The following NLGN1 variants were observed in gnomAD, a reference collection of about 807,000 sequenced individuals.
The protein encoded by NLGN1 is neuroligin-1.
NLGN1 carries 12 observed loss-of-function variants against 65.5 expected under a neutral mutation model. That is an observed-to-expected ratio of 0.18 (90% CI 0.12 to 0.30). NLGN1 has a LOEUF of 0.30. NLGN1 is among the 10% of genes least tolerant of loss of function. The pLI, the probability that NLGN1 is intolerant of heterozygous loss-of-function variation, is 1.00. For synonymous variants in NLGN1, 350 were observed against 359.5 expected (o/e 0.97, Z 0.30); for missense variants, 750 against 1,007.1 (o/e 0.74, Z 3.46).
At chr3:173,615,367 G>A (rs1269649929) in intron 3 of NLGN1, among the ~76,000 whole-genome samples, 1 of 152,100 alleles carries the variant, frequency 6.6e-6, no homozygotes, top group Non-Finnish European at 1.5e-5. Flanking sequence ...GGAAAGAGAT[G>A]TTCTTTGCCC....
At chr3:174,058,242 T>C (rs1049794864) in intron 4 of NLGN1, among the ~76,000 whole-genome samples, 1 of 152,146 alleles carries the variant, frequency 6.6e-6, no homozygotes. Context: ...ACAGTTGACT[T>C]TCAGAATTAT....
chr3:174,030,370 C>T (rs559838170), intron 4 of NLGN1, among the ~76,000 whole-genome samples: 117 of 152,184 alleles, frequency 7.7e-4, no homozygotes, highest in African/African-American at 2.2e-3. Flanking sequence ...GTGATCCTCC[C>T]GCCTCGGCCT....
chr3:174,205,110 TA>T (rs1015879132), intron 4 of NLGN1, among the ~76,000 whole-genome samples: 1 of 152,082 alleles, frequency 6.6e-6, no homozygotes. Flanking sequence ...TTCAAAATTT[TA>T]AAAAAAATTT....
At chr3:173,990,946 CA>C (rs1720971921) in intron 4 of NLGN1, among the ~76,000 whole-genome samples, 1 of 152,068 alleles carries the variant, frequency 6.6e-6, no homozygotes, top group Admixed American at 6.6e-5. Flanking sequence ...CAAAATTTAG[CA>C]GAAGGAACAG....
At chr3:173,703,887 A>C (rs1367241533) in intron 3 of NLGN1, among the ~76,000 whole-genome samples, 1 of 152,156 alleles carries the variant, frequency 6.6e-6, no homozygotes, top group Non-Finnish European at 1.5e-5. Context: ...TATTGCTCAT[A>C]GCTTTCTTTT....
intron 4 of NLGN1, chr3:173,910,898 A>T (rs1428343742): frequency 6.6e-6 from 1 of 152,232 alleles, no homozygotes; most frequent in Admixed American, 6.5e-5. Context: ...GAAAGTAAAA[A>T]GGAAAACAAA....
intron 3 of NLGN1, among the ~76,000 whole-genome samples, chr3:173,627,540 C>T (rs1215863833): frequency 6.6e-6 from 1 of 151,938 alleles, no homozygotes; most frequent in Non-Finnish European, 1.5e-5. Context: ...ATTTTATTTC[C>T]CATGGATATA....
At chr3:173,565,585 C>T (rs1414344216) in intron 2 of NLGN1, among the ~76,000 whole-genome samples, 1 of 151,964 alleles carries the variant, frequency 6.6e-6, no homozygotes, top group African/African-American at 2.4e-5. Flanking sequence ...CTGGCACTTC[C>T]CCAGAGATGT....
intron 4 of NLGN1, among the ~76,000 whole-genome samples, chr3:174,106,232 C>A (rs920907077): frequency 1.3e-5 from 2 of 152,024 alleles, no homozygotes; most frequent in Non-Finnish European, 2.9e-5. Context: ...AGGTGAGAGG[C>A]CTCTTTAATA....
intron 4 of NLGN1, among the ~76,000 whole-genome samples, chr3:173,888,032 A>G (rs1734677723): frequency 6.6e-6 from 1 of 152,050 alleles, no homozygotes; most frequent in African/African-American, 2.4e-5. Context: ...CCAATAGGAA[A>G]TGCCTGTAGT....
At chr3:173,703,947 C>T (rs1159326108) in intron 3 of NLGN1, among the ~76,000 whole-genome samples, 1 of 152,148 alleles carries the variant, frequency 6.6e-6, no homozygotes, top group Non-Finnish European at 1.5e-5. Context: ...GTTTTATAGG[C>T]CTACCTGCAT....
chr3:173,587,319 T>G (rs1273324330), intron 2 of NLGN1, among the ~76,000 whole-genome samples: 3 of 143,860 alleles, frequency 2.1e-5, no homozygotes, highest in African/African-American at 7.8e-5. Context: ...GCTGTATCCT[T>G]TGTTTCTACA....
intron 3 of NLGN1, among the ~76,000 whole-genome samples, chr3:173,737,077 A>G (rs1197644500): frequency 6.6e-6 from 1 of 152,060 alleles, no homozygotes; most frequent in Non-Finnish European, 1.5e-5. Flanking sequence ...AGTAGATCAC[A>G]TGATAAATGC....
chr3:174,190,197 G>A lies in NLGN1; in HGVS notation c.647-85118G>A, dbSNP rs190315623. ...GTGAATAAGAGTTTTAGACTGTTTTGTTTGTGTTTTCAAATGTAGTATTTG... is the reference window on the plus strand; with the variant it reads ...GTGAATAAGAGTTTTAGACTGTTTTATTTGTGTTTTCAAATGTAGTATTTG... On this transcript the variant is annotated intron_variant, in intron 4 of 6. Transcript: ENST00000457714. 7.9e-5 allele frequency among the ~76,000 whole-genome samples: 12 copies of A among 152,116 alleles called. No individual in the cohort carries two copies. The East Asian group carries it at 2.3e-3, about 29-fold the overall frequency.
At chr3:174,042,056 A>G (rs1732441377) in intron 4 of NLGN1, among the ~76,000 whole-genome samples, 1 of 150,052 alleles carries the variant, frequency 6.7e-6, no homozygotes, top group South Asian at 2.1e-4. Context: ...TCTGCCTCCA[A>G]AAAAAAAACA....
At chr3:173,968,596 C>A (rs901800351) in intron 4 of NLGN1, among the ~76,000 whole-genome samples, 1 of 150,652 alleles carries the variant, frequency 6.6e-6, no homozygotes, top group Non-Finnish European at 1.5e-5. Flanking sequence ...TAATGAATGC[C>A]TTATTGAGTC....
intron 1 of NLGN1, among the ~76,000 whole-genome samples, chr3:173,421,163 T>G (rs1714965388): frequency 1.3e-5 from 2 of 152,090 alleles, no homozygotes. Flanking sequence ...TCTAGTCTAT[T>G]TCTCAAATTT....
chr3:174,072,169 T>C (rs778182240), intron 4 of NLGN1, among the ~76,000 whole-genome samples: 1 of 152,212 alleles, frequency 6.6e-6, no homozygotes, highest in African/African-American at 2.4e-5. Flanking sequence ...GTATTTATCC[T>C]CGCAGTTACT....
chr3:173,949,977 T>A (rs1025318718), intron 4 of NLGN1, among the ~76,000 whole-genome samples: 1 of 152,174 alleles, frequency 6.6e-6, no homozygotes, highest in African/African-American at 2.4e-5. Context: ...TAGATATAGT[T>A]CTGAAAGATA....
Sources: gnomAD v4.1 joint callset for allele counts (sites outside exome capture counted in the v4.1 genomes callset) on GRCh38, gnomAD v4.1.1 for gene constraint, MANE v1.5 for transcripts, NCBI Gene and HGNC (gene_info 2026-07-23, HGNC 2026-07-21) for gene names.